MAPKAP1: variants seen among roughly 807,000 people sequenced by gnomAD.
The protein encoded by MAPKAP1 is target of rapamycin complex 2 subunit MAPKAP1.
MAPKAP1 carries 20 observed loss-of-function variants against 65.7 expected under a neutral mutation model. The ratio of observed to expected loss-of-function variants is 0.30; its 90% CI spans 0.21 to 0.44. The LOEUF is 0.44. Among genes scored for constraint, MAPKAP1 ranks in the 20% least tolerant of loss-of-function variants. The probability of loss-of-function intolerance (pLI) is 1.00; values close to 1 mark genes in which losing one functional copy is unlikely to be tolerated. For missense variants in MAPKAP1, 423 were observed against 648.0 expected (o/e 0.65, Z 3.77); for synonymous variants, 222 against 244.3 (o/e 0.91, Z 0.85).
Position 125,660,487 on chromosome 9 carries a change from G to A in MAPKAP1, c.350-2688C>T, listed in dbSNP as rs140395911. 3.3e-5 allele frequency among the ~76,000 whole-genome samples: 5 copies of A among 152,280 alleles called. No individual in the cohort carries two copies. The East Asian group carries it at 9.6e-4, about 29-fold the overall frequency. On this transcript the variant is annotated intron_variant, in intron 3 of 11. Transcript: ENST00000265960. The stretch of plus-strand genomic sequence containing the variant: ...CCAAGTAAATATCTTCTACATGCTA[G>A]TACCTCTCAATGGTTATTTCTAACC...
At chr9:125,634,380 A>G (rs1043052485) in intron 4 of MAPKAP1, among the ~76,000 whole-genome samples, 11 of 152,164 alleles carry the variant, frequency 7.2e-5, no homozygotes, top group African/African-American at 2.7e-4. Flanking sequence ...CCTTACCACA[A>G]CCTCCTCCTA....
At chr9:125,505,595 G>A (rs1829117207) in intron 8 of MAPKAP1, among the ~76,000 whole-genome samples, 1 of 152,244 alleles carries the variant, frequency 6.6e-6, no homozygotes, top group African/African-American at 2.4e-5. Context: ...TAAGCAATGG[G>A]GGACAGGAAG....
chr9:125,483,182 C>A (rs1388367265), intron 9 of MAPKAP1, among the ~76,000 whole-genome samples: 5 of 152,136 alleles, frequency 3.3e-5, no homozygotes, highest in Non-Finnish European at 7.4e-5. Context: ...CCCATAGCAA[C>A]CCTGCGTCAT....
chr9:125,696,076 C>G lies in MAPKAP1; in HGVS notation c.-70+10895G>C, dbSNP rs539538653. The G allele has an allele frequency of 5.3e-5, 8 of 152,288 alleles. No homozygotes were observed. The South Asian group carries it at 1.7e-3, about 32-fold the overall frequency. The allele number at this position is 152,288 out of a possible 1,614,324, so 9.4% of individuals were successfully genotyped here. A position where few individuals can be genotyped will look rare whatever the true frequency, so the allele number is the denominator to read the frequency against. ...AAAAGAGTAAAAGGCAACAATTCAT[C>G]ATATTTTAACACTCATATTTTTACT... On this transcript the variant is annotated intron_variant, in intron 1 of 11. Coordinates refer to ENST00000265960, the MANE Select transcript of MAPKAP1 (RefSeq NM_001006617.3).
At chr9:125,618,888 TCAG>T (rs1832819290) in intron 4 of MAPKAP1, among the ~76,000 whole-genome samples, 1 of 152,184 alleles carries the variant, frequency 6.6e-6, no homozygotes, top group African/African-American at 2.4e-5. Context: ...TATCAGCACT[TCAG>T]GAGGCCAAGG....
In MAPKAP1 at chr9:125,460,525, G is replaced by A. The variant is rs186479826; in HGVS notation, c.1345+7447C>T. ...TAAACATACACATAACGTCCCCTAT[G>A]AGCAACTCTAGTGCCTGATGACGAA... is the stretch of plus-strand genomic sequence containing the variant. On this transcript the variant is annotated intron_variant, in intron 10 of 11. Coordinates refer to ENST00000265960, the MANE Select transcript of MAPKAP1 (RefSeq NM_001006617.3). Among the ~76,000 whole-genome samples the A allele has an allele frequency of 3.4e-3, 520 of 152,278 alleles. 10 individuals are homozygous for A. The highest frequency in any genetic ancestry group is 9.6e-4 in the Non-Finnish European group (65 of 68,026).
chr9:125,441,970 TAG>T (rs754693262), intron 11 of MAPKAP1, among the ~76,000 whole-genome samples: 2 of 151,180 alleles, frequency 1.3e-5, no homozygotes, highest in African/African-American at 2.4e-5. Flanking sequence ...CTACTAAAAA[TAG>T]AAAAAAATTA....
intron 9 of MAPKAP1, among the ~76,000 whole-genome samples, chr9:125,472,516 G>A (rs931716768): frequency 3.3e-5 from 5 of 152,076 alleles, no homozygotes; most frequent in Middle Eastern, 3.4e-3. Context: ...TGATTTCCTC[G>A]GCTAAAGTTT....
chr9:125,615,953 T>G (rs562463691), intron 4 of MAPKAP1, among the ~76,000 whole-genome samples: 90 of 150,068 alleles, frequency 6.0e-4, no homozygotes, highest in African/African-American at 2.0e-3. Flanking sequence ...AAAAGGAGGT[T>G]GAAGGAGCAT....
At chr9:125,570,716 T>C (rs914476231) in intron 5 of MAPKAP1, among the ~76,000 whole-genome samples, 2 of 152,198 alleles carry the variant, frequency 1.3e-5, no homozygotes, top group African/African-American at 4.8e-5. Flanking sequence ...TTTTTCTGCC[T>C]AAAGTATTGA....
intron 4 of MAPKAP1, among the ~76,000 whole-genome samples, chr9:125,629,008 CACA>C (rs1280487462): frequency 3.3e-5 from 5 of 151,332 alleles, no homozygotes; most frequent in African/African-American, 9.7e-5. Context: ...GAATTGAAAC[CACA>C]ACGAGGTACC....
intron 8 of MAPKAP1, among the ~76,000 whole-genome samples, chr9:125,499,685 A>G (rs1427215433): frequency 2.0e-5 from 3 of 152,024 alleles, no homozygotes. Context: ...CTCTTTCCTA[A>G]TATTAGAAAA....
chr9:125,657,756 CTCTT>C lies in MAPKAP1; in HGVS notation c.389_392del (p.Lys130ArgfsTer16). On this transcript the variant is annotated frameshift_variant, in exon 4 of 12. Coordinates refer to ENST00000265960, the MANE Select transcript of MAPKAP1 (RefSeq NM_001006617.3). LOFTEE classifies it high-confidence loss of function. ...ACTGCTTCCCAGAAATTGGAGGCTTCTCTTTGAGAGATTTTTTTTCAAACAGTGA... is the reference window on the plus strand; with the variant it reads ...ACTGCTTCCCAGAAATTGGAGGCTTCTGAGAGATTTTTTTTCAAACAGTGA... The C allele has an allele frequency of 6.2e-7, 1 of 1,613,960 alleles. No homozygotes were observed. Among genetic ancestry groups the C allele is most frequent in the Non-Finnish European group, 8.5e-7 (1 of 1,179,872 alleles).
rs568498869 is a variant in MAPKAP1, at chr9:125,603,957, G to C, written c.499-18230C>G. On this transcript the variant is annotated intron_variant, in intron 4 of 11. Coordinates refer to ENST00000265960, the MANE Select transcript of MAPKAP1 (RefSeq NM_001006617.3). ...TTATTTTTTTTAACTAAATAACAAGGTATGATTACAACAACAAGAAAGAAA... is the reference window on the plus strand; with the variant it reads ...TTATTTTTTTTAACTAAATAACAAGCTATGATTACAACAACAAGAAAGAAA... Among the ~76,000 whole-genome samples the C allele has an allele frequency of 7.2e-5, 10 of 138,956 alleles. No individual in the cohort carries two copies. In the East Asian group the frequency reaches 2.0e-3, roughly 28 times the overall value. The allele number at this position is 138,956 out of a possible 152,430, so 91.2% of individuals were successfully genotyped here.
intron 5 of MAPKAP1, among the ~76,000 whole-genome samples, chr9:125,562,973 G>T (rs118069921): frequency 0.02 from 2,989 of 152,214 alleles, 48 homozygotes; most frequent in Non-Finnish European, 0.031. Context: ...ATCACCTATG[G>T]AAATATGACA....
chr9:125,616,081 CAT>C, intron 4 of MAPKAP1, among the ~76,000 whole-genome samples: 1 of 152,022 alleles, frequency 6.6e-6, no homozygotes, highest in East Asian at 1.9e-4. Context: ...GCAGCACAAA[CAT>C]AGGGAAATTT....
rs192824410 is a variant in MAPKAP1 at position 125,463,875 on chromosome 9, T to C, written c.1345+4097A>G. Among the ~76,000 whole-genome samples the C allele has an allele frequency of 3.3e-5, 5 of 152,344 alleles. No homozygotes were observed. The East Asian group carries it at 9.6e-4, about 29-fold the overall frequency. On this transcript the variant is annotated intron_variant, in intron 10 of 11. Coordinates refer to ENST00000265960, the MANE Select transcript of MAPKAP1 (RefSeq NM_001006617.3). Reference sequence around the variant, plus strand: ...AGGTTTAAATCTGATTTCTTAATGATAGGCTGCTTCCTTTAAAGACTCTAA... The same window carrying C: ...AGGTTTAAATCTGATTTCTTAATGACAGGCTGCTTCCTTTAAAGACTCTAA...
chr9:125,485,338 T>C (rs1199490431), intron 8 of MAPKAP1, among the ~76,000 whole-genome samples: 1 of 152,206 alleles, frequency 6.6e-6, no homozygotes, highest in African/African-American at 2.4e-5. Context: ...GGATCATTCA[T>C]TCATTCACCA....
intron 4 of MAPKAP1, among the ~76,000 whole-genome samples, chr9:125,610,699 A>G (rs374132044): frequency 6.6e-6 from 1 of 152,248 alleles, no homozygotes; most frequent in African/African-American, 2.4e-5. Context: ...CTTTATAAAC[A>G]TAAACGAACC....
Sources: allele counts gnomAD v4.1 joint callset (sites outside exome capture counted in the v4.1 genomes callset), GRCh38; gene constraint gnomAD v4.1.1; transcripts MANE v1.5; gene names NCBI Gene and HGNC (gene_info 2026-07-23, HGNC 2026-07-21).